CDK19: variants seen among roughly 807,000 people sequenced by gnomAD.
CDK19 encodes cyclin dependent kinase 19.
A neutral mutation model predicts 68.3 loss-of-function variants in CDK19; 20 were observed. That is an observed-to-expected ratio of 0.29 (90% confidence interval 0.21 to 0.43). CDK19 has a LOEUF of 0.43. Ranked by LOEUF, CDK19 falls within the 20% of genes least tolerant of loss-of-function variation. The pLI is 1.00. For synonymous variants in CDK19, 221 were observed against 222.8 expected (o/e 0.99, Z 0.07); for missense variants, 339 against 623.5 (o/e 0.54, Z 4.86).
intron 2 of CDK19, among the ~76,000 whole-genome samples, chr6:110,693,523 T>C (rs2114594897): frequency 6.6e-6 from 1 of 152,322 alleles, no homozygotes; most frequent in East Asian, 1.9e-4. Flanking sequence ...TGCAGCCCTA[T>C]AGGCTGGCTG....
At chr6:110,722,683 T>C (rs1001784296) in intron 2 of CDK19, among the ~76,000 whole-genome samples, 7 of 152,066 alleles carry the variant, frequency 4.6e-5, no homozygotes, top group Non-Finnish European at 1.0e-4. Flanking sequence ...ATTCCTAGCC[T>C]AGGCAACATA....
intron 12 of CDK19, among the ~76,000 whole-genome samples, chr6:110,615,641 A>G (rs1778264760): frequency 6.6e-6 from 1 of 152,234 alleles, no homozygotes; most frequent in South Asian, 2.1e-4. Flanking sequence ...GGCATGGGCC[A>G]AGCTAACTTT....
At chr6:110,712,878 G>A (rs1227630837) in intron 2 of CDK19, among the ~76,000 whole-genome samples, 1 of 152,152 alleles carries the variant, frequency 6.6e-6, no homozygotes, top group Non-Finnish European at 1.5e-5. Context: ...GGCAGGGAAA[G>A]TGTAAACAGT....
At chr6:110,694,013 C>T (rs894742710) in intron 2 of CDK19, among the ~76,000 whole-genome samples, 2 of 150,018 alleles carry the variant, frequency 1.3e-5, no homozygotes, top group Non-Finnish European at 3.0e-5. Flanking sequence ...CCTCAAAATA[C>T]ACCAAAATAG....
intron 4 of CDK19, among the ~76,000 whole-genome samples, chr6:110,659,333 CAG>C (rs1781483227): frequency 6.6e-6 from 1 of 152,180 alleles, no homozygotes; most frequent in African/African-American, 2.4e-5. Context: ...TGAGTGAAAA[CAG>C]AGGGTGGTCT....
chr6:110,770,431 C>A (rs1352409145), intron 1 of CDK19, among the ~76,000 whole-genome samples: 1 of 152,132 alleles, frequency 6.6e-6, no homozygotes, highest in Non-Finnish European at 1.5e-5. Context: ...CCTGATAAAA[C>A]CGTCAGATCT....
At chr6:110,777,080 C>T (rs1209680863) in intron 1 of CDK19, among the ~76,000 whole-genome samples, 1 of 152,216 alleles carries the variant, frequency 6.6e-6, no homozygotes, top group African/African-American at 2.4e-5. Flanking sequence ...TACAAACCGG[C>T]ATCTATCTAT....
At chr6:110,814,057 T>C (rs191596835) in intron 1 of CDK19, 1 of 157,808 alleles carries the variant, frequency 6.3e-6, no homozygotes, top group East Asian at 1.9e-4. Flanking sequence ...CAGTACATTA[T>C]CCAGCTCTTC....
At chr6:110,777,925 A>C (rs1471731125) in intron 1 of CDK19, among the ~76,000 whole-genome samples, 3 of 152,250 alleles carry the variant, frequency 2.0e-5, no homozygotes, top group African/African-American at 7.2e-5. Flanking sequence ...AGGTAGGTAC[A>C]GTAGTCAAAT....
At chr6:110,715,655 T>G (rs1000318535) in intron 2 of CDK19, among the ~76,000 whole-genome samples, 31 of 152,066 alleles carry the variant, frequency 2.0e-4, no homozygotes, top group African/African-American at 7.5e-4. Flanking sequence ...CTGGCTAACT[T>G]TTGTATTTTT....
At chr6:110,718,543 A>C (rs1562228855) in intron 2 of CDK19, among the ~76,000 whole-genome samples, 2 of 152,062 alleles carry the variant, frequency 1.3e-5, no homozygotes. Flanking sequence ...CACAGAGAGA[A>C]AAATTTACCT....
At chr6:110,803,680 C>G (rs1420459710) in intron 1 of CDK19, among the ~76,000 whole-genome samples, 1 of 152,134 alleles carries the variant, frequency 6.6e-6, no homozygotes, top group Non-Finnish European at 1.5e-5. Flanking sequence ...AATAACTACA[C>G]TGAGGTTGGG....
intron 2 of CDK19, among the ~76,000 whole-genome samples, chr6:110,718,638 C>CA (rs34228815): frequency 2.5e-4 from 32 of 125,768 alleles, no homozygotes; most frequent in African/African-American, 8.5e-4. Flanking sequence ...CTTCAAAGTC[C>CA]AAAAAAAAAA....
intron 4 of CDK19, among the ~76,000 whole-genome samples, chr6:110,639,602 G>A (rs1405934773): frequency 6.6e-6 from 1 of 152,208 alleles, no homozygotes; most frequent in Non-Finnish European, 1.5e-5. Context: ...AGAAGCTAGT[G>A]CTATGTATGA....
At chr6:110,780,199 C>T (rs1022158361) in intron 1 of CDK19, among the ~76,000 whole-genome samples, 1 of 147,860 alleles carries the variant, frequency 6.8e-6, no homozygotes, top group South Asian at 2.1e-4. Context: ...GCCTGGGCGA[C>T]GGAGTGAGAC....
intron 4 of CDK19, among the ~76,000 whole-genome samples, chr6:110,648,802 C>T (rs1046499265): frequency 7.9e-5 from 12 of 152,112 alleles, no homozygotes; most frequent in East Asian, 1.9e-4. Flanking sequence ...ACTGCAAGCT[C>T]CACCTCCCGG....
chr6:110,734,511 G>A (rs959326162), intron 2 of CDK19, among the ~76,000 whole-genome samples: 1 of 48,200 alleles, frequency 2.1e-5, no homozygotes, highest in Admixed American at 2.9e-4. Flanking sequence ...AACTAAGAGG[G>A]TGAGCACTGC....
At chr6:110,718,870 A>C (rs1775609726) in intron 2 of CDK19, among the ~76,000 whole-genome samples, 1 of 152,168 alleles carries the variant, frequency 6.6e-6, no homozygotes, top group African/African-American at 2.4e-5. Flanking sequence ...AAATATATAA[A>C]GTTGGGGTAG....
In CDK19 at chr6:110,667,402, C is replaced by T. The variant is rs763367065; in HGVS notation, c.456+32G>A. ...TATTTTTTAAAAGAGTAGGGAAAAA[C>T]ATATTGATGAATTTAAAAGAAAAAT... On this transcript the variant is annotated intron_variant, in intron 4 of 12. Coordinates refer to ENST00000368911, the MANE Select transcript of CDK19 (RefSeq NM_015076.5). 8 of 1,425,092 alleles carry T rather than the reference C, an allele frequency of 5.6e-6. No individual in the cohort carries two copies. In the South Asian group the frequency reaches 9.5e-5, roughly 17 times the overall value. The allele number at this position is 1,425,092 out of a possible 1,614,324, so 88.3% of individuals were successfully genotyped here.
Sources: allele counts gnomAD v4.1 joint callset (sites outside exome capture counted in the v4.1 genomes callset), GRCh38; gene constraint gnomAD v4.1.1; transcripts MANE v1.5; gene names NCBI Gene and HGNC (gene_info 2026-07-23, HGNC 2026-07-21).